CNGA1: variants seen among roughly 807,000 people sequenced by gnomAD.
The protein encoded by CNGA1 is cyclic nucleotide gated channel subunit alpha 1, also known as cyclic nucleotide-gated channel alpha-1.
In CNGA1, 53 loss-of-function variants were observed where a neutral mutation model predicts 69.7. The ratio of observed to expected loss-of-function variants is 0.76; its 90% CI spans 0.61 to 0.96. The LOEUF is 0.96. Ranked by LOEUF, CNGA1 falls within the 40% of genes least tolerant of loss-of-function variation. The pLI, the probability that CNGA1 is intolerant of heterozygous loss-of-function variation, is 0.00. For missense variants in CNGA1, 739 were observed against 811.2 expected (o/e 0.91, Z 1.08); for synonymous variants, 249 against 283.5 (o/e 0.88, Z 1.22).
At chr4:47,966,804 T>C (rs1740747892) in intron 3 of CNGA1, among the ~76,000 whole-genome samples, 1 of 152,162 alleles carries the variant, frequency 6.6e-6, no homozygotes, top group African/African-American at 2.4e-5. Context: ...AGGTATAAAT[T>C]TGAAAAGTAA....
At chr4:47,983,764 A>G (rs1741853687) in intron 2 of CNGA1, among the ~76,000 whole-genome samples, 1 of 152,206 alleles carries the variant, frequency 6.6e-6, no homozygotes, top group Non-Finnish European at 1.5e-5. Flanking sequence ...AAGAGAATGA[A>G]CTTAACTTTC....
intron 3 of CNGA1, among the ~76,000 whole-genome samples, chr4:47,972,231 C>T (rs1004558361): frequency 6.6e-6 from 1 of 152,140 alleles, no homozygotes; most frequent in Non-Finnish European, 1.5e-5. Flanking sequence ...CCTATAAATA[C>T]ATAATATTTT....
intron 1 of CNGA1, among the ~76,000 whole-genome samples, chr4:48,013,557 CATT>C (rs368552902): frequency 9.2e-5 from 14 of 152,290 alleles, no homozygotes; most frequent in African/African-American, 3.4e-4. Context: ...CAAATGGTTG[CATT>C]ATTTTGAGTT....
chr4:47,954,609 G>A (rs1487721459), intron 3 of CNGA1, among the ~76,000 whole-genome samples: 1 of 152,158 alleles, frequency 6.6e-6, no homozygotes, highest in Non-Finnish European at 1.5e-5. Context: ...TCCAATACTC[G>A]GTGCCAGAAT....
chr4:48,002,683 C>CAAAA (rs34405949), intron 2 of CNGA1, among the ~76,000 whole-genome samples: 3 of 117,772 alleles, frequency 2.5e-5, no homozygotes, highest in Non-Finnish European at 3.5e-5. Context: ...GTCAGACATG[C>CAAAA]AAAAAAAAAA....
chr4:47,980,514 A>G (rs1741646507), intron 3 of CNGA1, among the ~76,000 whole-genome samples: 1 of 133,062 alleles, frequency 7.5e-6, no homozygotes, highest in Admixed American at 8.6e-5. Context: ...TCTCTCTTTC[A>G]CTCAGGCTGG....
chr4:47,965,481 C>T (rs563106283), intron 3 of CNGA1, among the ~76,000 whole-genome samples: 10 of 150,238 alleles, frequency 6.7e-5, no homozygotes, highest in African/African-American at 2.0e-4. Context: ...GACTGGAGTA[C>T]GGTGGTGTGT....
intron 6 of CNGA1, among the ~76,000 whole-genome samples, chr4:47,947,837 G>A (rs1241505360): frequency 6.6e-6 from 1 of 152,180 alleles, no homozygotes; most frequent in Non-Finnish European, 1.5e-5. Context: ...AGACTGAATG[G>A]ACATATTATG....
At chr4:47,973,248 G>A (rs1165359172) in intron 3 of CNGA1, among the ~76,000 whole-genome samples, 1 of 151,758 alleles carries the variant, frequency 6.6e-6, no homozygotes, top group Admixed American at 6.6e-5. Context: ...TTATATTTTT[G>A]TAGAGATGGG....
intron 3 of CNGA1, among the ~76,000 whole-genome samples, chr4:47,957,475 C>A (rs1740157882): frequency 6.6e-6 from 1 of 151,890 alleles, no homozygotes; most frequent in African/African-American, 2.4e-5. Context: ...AAAATGTTAG[C>A]CCAGAGTGGT....
intron 6 of CNGA1, among the ~76,000 whole-genome samples, chr4:47,948,063 T>G (rs560060812): frequency 9.9e-4 from 150 of 152,232 alleles, no homozygotes; most frequent in Non-Finnish European, 1.4e-3. Context: ...ATATTATGAC[T>G]ATTCATTTGC....
chr4:47,953,140 A>G (rs1445042193), intron 3 of CNGA1, among the ~76,000 whole-genome samples: 1 of 152,194 alleles, frequency 6.6e-6, no homozygotes, highest in African/African-American at 2.4e-5. Context: ...GCCAAACCAT[A>G]TCAACCCTAC....
rs16860820 is a variant in CNGA1, at chr4:47,956,600, A to G, written c.-14-3897T>C. 9.0e-3 allele frequency among the ~76,000 whole-genome samples: 1,376 copies of G among 152,328 alleles called. 18 individuals are homozygous for G. The highest frequency in any genetic ancestry group is 0.03 in the African/African-American group (1,261 of 41,560). ...TTCTATTGAAAAAGGCCAGTGTACA[A>G]TTCGGTTTCTGCAAATGAACAAATT... On this transcript the variant is annotated intron_variant, in intron 3 of 10. Transcript: ENST00000514170.
At chr4:48,007,834 T>C (rs1578129421) in intron 2 of CNGA1, among the ~76,000 whole-genome samples, 1 of 152,278 alleles carries the variant, frequency 6.6e-6, no homozygotes, top group East Asian at 1.9e-4. Flanking sequence ...AAGAAAACAT[T>C]TCCTTCAGAT....
intron 3 of CNGA1, among the ~76,000 whole-genome samples, chr4:47,977,463 A>C (rs759423251): frequency 1.2e-4 from 19 of 152,146 alleles, no homozygotes; most frequent in Non-Finnish European, 2.4e-4. Context: ...CGGTATTCTG[A>C]TATGGCAGCC....
chr4:47,943,478 C>T, intron 6 of CNGA1, 66 bp from the exon 7 acceptor site: 1 of 1,039,076 alleles, frequency 9.6e-7, no homozygotes, highest in Non-Finnish European at 1.4e-6. Context: ...CTTTCTTTTT[C>T]ATTGAGCAAA....
intron 3 of CNGA1, among the ~76,000 whole-genome samples, chr4:47,958,805 G>A (rs1463292356): frequency 2.0e-5 from 3 of 152,086 alleles, no homozygotes; most frequent in Admixed American, 6.5e-5. Context: ...GCTCTTGAAC[G>A]TAATACCTGA....
intron 2 of CNGA1, among the ~76,000 whole-genome samples, chr4:48,001,855 GA>G (rs1714676253): frequency 1.3e-5 from 2 of 152,046 alleles, no homozygotes. Flanking sequence ...TCCAAAAGAG[GA>G]TTAAACTGAT....
chr4:48,000,409 GC>G (rs1714615846), intron 2 of CNGA1, among the ~76,000 whole-genome samples: 2 of 148,530 alleles, frequency 1.3e-5, no homozygotes, highest in Non-Finnish European at 1.5e-5. Flanking sequence ...CGCTCTTGTT[GC>G]CCAGGCTGGA....
Sources: gnomAD v4.1 joint callset for allele counts (sites outside exome capture counted in the v4.1 genomes callset) on GRCh38, gnomAD v4.1.1 for gene constraint, MANE v1.5 for transcripts, NCBI Gene and HGNC (gene_info 2026-07-23, HGNC 2026-07-21) for gene names.